Variants in PIK3R3 observed in about 807,000 individuals in gnomAD.
The protein encoded by PIK3R3 is phosphatidylinositol 3-kinase regulatory subunit gamma.
In PIK3R3, 64 loss-of-function variants were observed where a neutral mutation model predicts 62.9. The observed-to-expected ratio is 1.02, with a 90% CI of 0.83 to 1.25. PIK3R3 has a LOEUF of 1.25. Ranked by LOEUF, PIK3R3 falls within the 50% of genes most tolerant of loss-of-function variation. The pLI is 0.00. For missense variants in PIK3R3, 614 were observed against 561.6 expected, an observed-to-expected ratio of 1.09 and a Z score of -0.94; for synonymous variants, 165 against 189.0, an observed-to-expected ratio of 0.87 and a Z score of 1.04.
At position 46,117,651 on chromosome 1, in the gene PIK3R3, G is replaced by GT. The variant is rs148589166; in HGVS notation, c.106+14195dup. On this transcript the variant is annotated intron_variant, in intron 1 of 9. Coordinates refer to ENST00000262741, the MANE Select transcript of PIK3R3 (RefSeq NM_003629.4). ...AGTCCCAGCTACTCGGGAGGCTGAGGTAAGAGGATTGCTTGAGCCTAGGAG... is the reference window on the plus strand; with the variant it reads ...AGTCCCAGCTACTCGGGAGGCTGAGGTTAAGAGGATTGCTTGAGCCTAGGAG... Among the ~76,000 whole-genome samples, 491 of 152,260 alleles carry GT rather than the reference G, an allele frequency of 3.2e-3. 3 individuals carry two copies. The highest frequency in any genetic ancestry group is 0.011 in the African/African-American group (458 of 41,534).
intron 1 of PIK3R3, among the ~76,000 whole-genome samples, chr1:46,095,476 G>A (rs1033050494): frequency 6.6e-6 from 1 of 152,148 alleles, no homozygotes; most frequent in African/African-American, 2.4e-5. Flanking sequence ...GGACAACATG[G>A]CAGGGAACAA....
chr1:46,080,737 C>T lies in PIK3R3; in HGVS notation c.120G>A (p.Lys40=), dbSNP rs758658831. ...CTGCTGAAGTCATTGGCTTAGGTGG[C>T]TTTGGTGGAAGAGCTAGAAGAGAAA... ...IEMDPPALPP[K]PPKPMTSAVP... Residue 40 remains lysine, a synonymous_variant, in exon 2 of 10, where the codon AAG becomes AAA. Transcript: ENST00000262741. 2 of 1,611,448 alleles carry T rather than the reference C, an allele frequency of 1.2e-6. No homozygotes were observed. The highest frequency in any genetic ancestry group is 2.2e-5 in the South Asian group (2 of 91,018).
the PIK3R3 span, among the ~76,000 whole-genome samples, chr1:46,156,477 A>G: frequency 5.3e-5 from 8 of 150,406 alleles, no homozygotes; most frequent in East Asian, 7.8e-4. Flanking sequence ...AAAAAAAAAA[A>G]GGTATGTGAC....
chr1:46,130,344 G>T (rs189052313), intron 1 of PIK3R3, among the ~76,000 whole-genome samples: 1 of 152,174 alleles, frequency 6.6e-6, no homozygotes, highest in Admixed American at 6.5e-5. Context: ...ATGCTTTACC[G>T]TTAGGGGGAA....
chr1:46,077,599 T>A lies in PIK3R3; in HGVS notation c.230A>T (p.Asp77Val). 5 of 1,603,938 alleles carry A rather than the reference T, an allele frequency of 3.1e-6. No homozygotes were observed. The highest frequency in any genetic ancestry group is 4.3e-6 in the Non-Finnish European group (5 of 1,170,854). ...CCCATCTGGCATATCCCGCAATTTG[T>A]CATTTACCTCCTCCCTGAAGAACAG... ...WGDISREEVNDKLRDMPDGTF... is the reference protein window; with the variant it reads ...WGDISREEVNVKLRDMPDGTF... The change falls in exon 3 of 10, where the codon GAC becomes GTC. Residue 77 changes from aspartate to valine, a missense_variant. Asp to Val is a radical substitution (Grantham distance 152). Coordinates refer to ENST00000262741, the MANE Select transcript of PIK3R3 (RefSeq NM_003629.4).
At chr1:46,116,195 A>C (rs1025825740) in intron 1 of PIK3R3, among the ~76,000 whole-genome samples, 1 of 152,126 alleles carries the variant, frequency 6.6e-6, no homozygotes, top group Non-Finnish European at 1.5e-5. Flanking sequence ...ATGAGCCACA[A>C]AGCATCCCAG....
intron 1 of PIK3R3, among the ~76,000 whole-genome samples, chr1:46,115,876 C>A (rs372039341): frequency 1.3e-5 from 2 of 152,032 alleles, no homozygotes; most frequent in African/African-American, 2.4e-5. Context: ...AATAATGACA[C>A]GGGCAAAGGA....
chr1:46,171,748 G>A, the PIK3R3 span, among the ~76,000 whole-genome samples: 8 of 152,084 alleles, frequency 5.3e-5, no homozygotes, highest in East Asian at 1.9e-4. Flanking sequence ...TCTCTAGAGC[G>A]GAGCCACAGA....
At position 46,132,119 on chromosome 1, in the gene PIK3R3, C is replaced by A. The variant is rs1467688909; in HGVS notation, c.-167G>T. ...GCCAAACTACCCGAACAGGGTCCTCCCCCTCTCTCCTACAGAACACAACAA... is the reference window on the plus strand; with the variant it reads ...GCCAAACTACCCGAACAGGGTCCTCACCCTCTCTCCTACAGAACACAACAA... On this transcript the variant is annotated 5_prime_UTR_variant, in exon 1 of 10. Coordinates refer to ENST00000262741, the MANE Select transcript of PIK3R3 (RefSeq NM_003629.4). 2 of 1,410,312 alleles carry A rather than the reference C, an allele frequency of 1.4e-6. No individual in the cohort carries two copies. The highest frequency in any genetic ancestry group is 9.2e-7 in the Non-Finnish European group (1 of 1,086,484). The allele number at this position is 1,410,312 out of a possible 1,614,324, so 87.4% of individuals were successfully genotyped here.
rs1647112220 is a variant in PIK3R3 at position 46,046,184 on chromosome 1, A to T, written c.1017-96T>A. ...ACTCTTCTAAATCTTTAAACCACAA[A>T]TAACAAAGCAAAATTGCAATTATTT... On this transcript the variant is annotated intron_variant, in intron 8 of 9. Coordinates refer to ENST00000262741, the MANE Select transcript of PIK3R3 (RefSeq NM_003629.4). 19 of 752,942 alleles carry T rather than the reference A, an allele frequency of 2.5e-5. 1 individual carries two copies. The South Asian group carries it at 3.2e-4, about 13-fold the overall frequency. 46.6% of individuals were successfully genotyped at this position (752,942 alleles called of 1,614,324 possible). A position where few individuals can be genotyped will look rare whatever the true frequency, so the allele number is the denominator to read the frequency against.
At chr1:46,139,301 T>TGC in the PIK3R3 span, among the ~76,000 whole-genome samples, 1 of 151,658 alleles carries the variant, frequency 6.6e-6, no homozygotes, top group African/African-American at 2.4e-5. Flanking sequence ...ACCCACGTGC[T>TGC]TCTTTTTTTT....
chr1:46,132,174 T>C lies in PIK3R3; in HGVS notation c.-222A>G. On this transcript the variant is annotated 5_prime_UTR_variant, in exon 1 of 10. Coordinates refer to ENST00000262741, the MANE Select transcript of PIK3R3 (RefSeq NM_003629.4). The stretch of plus-strand genomic sequence containing the variant: ...CCCCCGAACTTTCAAGCTATGGGCT[T>C]TTCTCCTCAGAGGATTACACAGAGG... The C allele has an allele frequency of 7.6e-7, 1 of 1,319,420 alleles. No homozygotes were observed. Among genetic ancestry groups the C allele is most frequent in the Non-Finnish European group, 9.7e-7 (1 of 1,030,568 alleles). The allele number at this position is 1,319,420 out of a possible 1,614,324, so 81.7% of individuals were successfully genotyped here.
intron 1 of PIK3R3, among the ~76,000 whole-genome samples, chr1:46,117,190 T>C (rs6685092): frequency 0.034 from 5,101 of 152,232 alleles, 289 homozygotes; most frequent in African/African-American, 0.12. Flanking sequence ...CCCAGCACTT[T>C]GGGACGCCAA....
At chr1:46,108,293 T>C (rs1461329252) in intron 1 of PIK3R3, among the ~76,000 whole-genome samples, 1 of 152,180 alleles carries the variant, frequency 6.6e-6, no homozygotes, top group Non-Finnish European at 1.5e-5. Context: ...CATCACCCAC[T>C]CTCTTGCCAG....
intron 1 of PIK3R3, among the ~76,000 whole-genome samples, chr1:46,087,592 C>CTTTTTTTT (rs35296719): frequency 1.0e-5 from 1 of 100,354 alleles, no homozygotes; most frequent in Non-Finnish European, 1.9e-5. Flanking sequence ...ACATATTCAT[C>CTTTTTTTT]TTTTTTTTTT....
At chr1:46,105,013 GA>G in intron 1 of PIK3R3, 1 of 715,706 alleles carries the variant, frequency 1.4e-6, no homozygotes, top group Admixed American at 1.8e-5. Flanking sequence ...AGAGCCACCA[GA>G]AACATACACC....
chr1:46,060,505 T>C (rs1211441904), intron 6 of PIK3R3, among the ~76,000 whole-genome samples: 3 of 152,154 alleles, frequency 2.0e-5, no homozygotes, highest in Non-Finnish European at 4.4e-5. Context: ...AATAAATAAA[T>C]AATTATCATT....
At chr1:46,109,075 C>A (rs1653478156) in intron 1 of PIK3R3, among the ~76,000 whole-genome samples, 1 of 151,170 alleles carries the variant, frequency 6.6e-6, no homozygotes, top group Non-Finnish European at 1.5e-5. Flanking sequence ...AGGAGAATGG[C>A]ATGAACCCGG....
intron 1 of PIK3R3, among the ~76,000 whole-genome samples, chr1:46,101,887 C>T (rs993684038): frequency 6.6e-6 from 1 of 150,672 alleles, no homozygotes; most frequent in African/African-American, 2.4e-5. Flanking sequence ...CTGAATTGTA[C>T]ACTTCAAACA....
Sources: allele counts gnomAD v4.1 joint callset (sites outside exome capture counted in the v4.1 genomes callset), GRCh38; gene constraint gnomAD v4.1.1; transcripts MANE v1.5; gene names NCBI Gene and HGNC (gene_info 2026-07-23, HGNC 2026-07-21).